The following TEX264 variants were observed in gnomAD, a reference collection of about 807,000 sequenced individuals.
TEX264 encodes the protein testis-expressed protein 264.
A neutral mutation model predicts 23.4 loss-of-function variants in TEX264; 13 were observed. The observed-to-expected ratio is 0.56, with a 90% CI of 0.36 to 0.88. The LOEUF is 0.88. Ranked by LOEUF, TEX264 falls within the 40% of genes least tolerant of loss-of-function variation. TEX264 has a pLI of 0.01. For missense variants in TEX264, 340 were observed against 406.8 expected, an observed-to-expected ratio of 0.84 and a Z score of 1.41; for synonymous variants, 159 against 170.0, an observed-to-expected ratio of 0.94 and a Z score of 0.50.
chr3:51,672,356 CCT>C (rs1313639803), intron 1 of TEX264: 1 of 152,236 alleles, frequency 6.6e-6, no homozygotes, highest in Non-Finnish European at 1.5e-5. Context: ...ATTCACGTTA[CCT>C]CTCCACGTGC....
Position 51,699,520 on chromosome 3 carries a change from G to A in TEX264, c.595G>A (p.Glu199Lys). 1 of 1,614,118 alleles carries A rather than the reference G, an allele frequency of 6.2e-7. No homozygotes were observed. Among genetic ancestry groups the A allele is most frequent in the Non-Finnish European group, 8.5e-7 (1 of 1,179,954 alleles). ...CTATGTGCCTGAGATGAAGGAGACAGAGTGGAAATGGCGGGGGCTTGTGGA... is the reference window on the plus strand; with the variant it reads ...CTATGTGCCTGAGATGAAGGAGACAAAGTGGAAATGGCGGGGGCTTGTGGA... ...DFYVPEMKETEWKWRGLVEAI... is the reference protein window; with the variant it reads ...DFYVPEMKETKWKWRGLVEAI... Residue 199 changes from glutamate (E) to lysine (K), a missense_variant, in exon 4 of 5, where the codon GAG becomes AAG. Transcript: ENST00000341333.
chr3:51,701,117 C>T (rs982081451), intron 4 of TEX264, among the ~76,000 whole-genome samples: 1 of 152,162 alleles, frequency 6.6e-6, no homozygotes, highest in African/African-American at 2.4e-5. Flanking sequence ...GATCGTCTTG[C>T]ACTGGCTGTG....
intron 2 of TEX264, among the ~76,000 whole-genome samples, chr3:51,680,007 A>G (rs890203908): frequency 6.6e-6 from 1 of 152,058 alleles, no homozygotes; most frequent in African/African-American, 2.4e-5. Context: ...CCACCTAGTC[A>G]TGGGCCAGTG....
chr3:51,689,744 C>G (rs1702760281), intron 3 of TEX264, among the ~76,000 whole-genome samples: 1 of 152,208 alleles, frequency 6.6e-6, no homozygotes, highest in Non-Finnish European at 1.5e-5. Flanking sequence ...TCCAGTCCCG[C>G]CCACTACATG....
intron 3 of TEX264, among the ~76,000 whole-genome samples, chr3:51,685,375 A>G (rs148215981): frequency 6.6e-6 from 1 of 152,392 alleles, no homozygotes; most frequent in East Asian, 1.9e-4. Context: ...GCCAGGTGCT[A>G]TAATGGGCAC....
chr3:51,671,912 A>G (rs1484534926), intron 1 of TEX264: 1 of 152,208 alleles, frequency 6.6e-6, no homozygotes, highest in Non-Finnish European at 1.5e-5. Context: ...CACCGGCCGC[A>G]CGCGTCCATC....
chr3:51,695,331 CCTT>C (rs778020803), intron 3 of TEX264, among the ~76,000 whole-genome samples: 3 of 152,344 alleles, frequency 2.0e-5, no homozygotes, highest in South Asian at 4.1e-4. Flanking sequence ...CACATTGCCT[CCTT>C]CTTTTGGGCA....
chr3:51,674,348 T>C lies in TEX264; in HGVS notation c.44T>C (p.Leu15Pro). The C allele has an allele frequency of 1.2e-6, 2 of 1,614,218 alleles. No homozygotes were observed. The highest frequency in any genetic ancestry group is 1.7e-6 in the Non-Finnish European group (2 of 1,180,042). The change falls in exon 2 of 5, where the codon CTC (leucine) becomes CCC (proline). Residue 15 changes from leucine to proline, a missense_variant. By Grantham distance (98) the Leu-to-Pro change is moderately conservative. Transcript: ENST00000341333. Reference sequence around the variant, plus strand: ...CTGGGCCTGATTGGGGGCCTGACTCTCTTACTGCTGCTGACGCTGCTGGCC... The same window carrying C: ...CTGGGCCTGATTGGGGGCCTGACTCCCTTACTGCTGCTGACGCTGCTGGCC... Reference protein sequence around the residue: ...LLLGLIGGLTLLLLLTLLAFA... With the variant: ...LLLGLIGGLTPLLLLTLLAFA...
chr3:51,684,310 C>A, intron 2 of TEX264, 103 bp from the exon 3 acceptor site: 1 of 1,034,820 alleles, frequency 9.7e-7, no homozygotes, highest in Non-Finnish European at 1.4e-6. Context: ...CTTGTCAGAG[C>A]TGCTGGTTCT....
chr3:51,685,041 T>C (rs143064774), intron 3 of TEX264, among the ~76,000 whole-genome samples: 88 of 152,314 alleles, frequency 5.8e-4, no homozygotes, highest in East Asian at 5.8e-4. Flanking sequence ...CAGGTAATCA[T>C]GTATTGCCCG....
chr3:51,700,208 C>T (rs969792918), intron 4 of TEX264, among the ~76,000 whole-genome samples: 4 of 152,164 alleles, frequency 2.6e-5, no homozygotes, highest in African/African-American at 9.7e-5. Context: ...TGACCCCGGG[C>T]TGTCTCAGGC....
At chr3:51,701,316 G>T (rs942124992) in intron 4 of TEX264, among the ~76,000 whole-genome samples, 7 of 150,370 alleles carry the variant, frequency 4.7e-5, no homozygotes, top group African/African-American at 1.7e-4. Flanking sequence ...TCCCCGTATT[G>T]CATTCCTTTT....
intron 2 of TEX264, among the ~76,000 whole-genome samples, chr3:51,676,454 G>T (rs916265459): frequency 1.6e-4 from 24 of 152,182 alleles, no homozygotes; most frequent in Non-Finnish European, 2.6e-4. Flanking sequence ...CCAGAGATGT[G>T]GTGGACCCCA....
At chr3:51,695,605 G>A (rs898487988) in intron 3 of TEX264, among the ~76,000 whole-genome samples, 1 of 152,236 alleles carries the variant, frequency 6.6e-6, no homozygotes, top group Non-Finnish European at 1.5e-5. Flanking sequence ...GGGTCCCGTG[G>A]GGGAAAGCTT....
rs570610387 is a variant in TEX264 at position 51,692,601 on chromosome 3, C to T, written c.481-6805C>T. Among the ~76,000 whole-genome samples the T allele has an allele frequency of 1.3e-4, 20 of 152,352 alleles. No homozygotes were observed. In the South Asian group the frequency reaches 2.5e-3, roughly 19 times the overall value. On this transcript the variant is annotated intron_variant, in intron 3 of 4. Coordinates refer to ENST00000341333, the MANE Select transcript of TEX264 (RefSeq NM_015926.6). ...CTCTCAGGTGCTTGGCTTCCCAGCT[C>T]CATCTGTACGAGCAGCCTTCCTGCT...
intron 2 of TEX264, among the ~76,000 whole-genome samples, chr3:51,679,674 A>C (rs1391843899): frequency 6.6e-6 from 1 of 152,190 alleles, no homozygotes; most frequent in Non-Finnish European, 1.5e-5. Context: ...TTATGCTTGG[A>C]AGGCAGAGTC....
chr3:51,690,929 G>C (rs1015751322), intron 3 of TEX264, among the ~76,000 whole-genome samples: 1 of 152,230 alleles, frequency 6.6e-6, no homozygotes, highest in Non-Finnish European at 1.5e-5. Flanking sequence ...GCCGAGGATC[G>C]TTCCGATGGC....
intron 4 of TEX264, among the ~76,000 whole-genome samples, 179 bp downstream of exon 4, chr3:51,699,753 C>G (rs1024039792): frequency 2.0e-5 from 3 of 152,068 alleles, no homozygotes; most frequent in African/African-American, 7.3e-5. Flanking sequence ...GTTGCCTGTT[C>G]CCAGACACAT....
Position 51,703,580 on chromosome 3 carries a change from T to TAGAGGGC in TEX264, c.650-134_650-128dup, listed in dbSNP as rs1703401253. ...CCTGTCTGTGCAGCCCCAGTCAGGGTAGAGGGCAGAGGGCAGCTGGAGCAA... is the reference window on the plus strand; with the variant it reads ...CCTGTCTGTGCAGCCCCAGTCAGGGTAGAGGGCAGAGGGCAGAGGGCAGCTGGAGCAA... On this transcript the variant is annotated intron_variant, in intron 4 of 4. Transcript: ENST00000341333. This position sits in a 1 kb window ranked among gnomAD's most constrained non-coding sequence, Gnocchi z 4.8. The TAGAGGGC allele has an allele frequency of 3.8e-6, 2 of 532,520 alleles. No homozygotes were observed. The highest frequency in any genetic ancestry group is 5.7e-5 in the Admixed American group (2 of 34,962). The allele number at this position is 532,520 out of a possible 1,614,324, so 33.0% of individuals were successfully genotyped here.
Sources: allele counts gnomAD v4.1 joint callset (sites outside exome capture counted in the v4.1 genomes callset), GRCh38; gene constraint gnomAD v4.1.1; non-coding constraint Gnocchi (gnomAD v3.1); transcripts MANE v1.5; gene names NCBI Gene and HGNC (gene_info 2026-07-23, HGNC 2026-07-21).